The following ABCA9 variants were observed in gnomAD, a reference collection of about 807,000 sequenced individuals.
ABCA9 encodes ATP-binding cassette sub-family A member 9.
A neutral mutation model predicts 205.3 loss-of-function variants in ABCA9; 183 were observed. That is an observed-to-expected ratio of 0.89 (90% confidence interval 0.79 to 1.01). The LOEUF (loss-of-function observed/expected upper bound fraction) is 1.01. Ranked by LOEUF, ABCA9 falls within the 50% of genes least tolerant of loss-of-function variation. ABCA9 has a pLI of 0.00. For synonymous variants in ABCA9, 651 were observed against 683.3 expected, an observed-to-expected ratio of 0.95 and a Z score of 0.74; for missense variants, 1,805 against 1,912.4, an observed-to-expected ratio of 0.94 and a Z score of 1.05.
Position 68,979,581 on chromosome 17 carries a change from CA to C in ABCA9, c.4720+2980del, listed in dbSNP as rs1487814719. On this transcript the variant is annotated intron_variant, in intron 37 of 38. Coordinates refer to ENST00000340001, the MANE Select transcript of ABCA9 (RefSeq NM_080283.4). ...AAACAGAATGGTACTGGTACCAAAACAGAGATATAGATCAATGGAACAGAAC... is the reference window on the plus strand; with the variant it reads ...AAACAGAATGGTACTGGTACCAAAACGAGATATAGATCAATGGAACAGAAC... 1.3e-5 allele frequency among the ~76,000 whole-genome samples: 2 copies of C among 152,106 alleles called. 1 individual carries two copies. Among genetic ancestry groups the C allele is most frequent in the East Asian group, 3.8e-4 (2 of 5,206 alleles).
At chr17:68,976,968 C>CT (rs1171754193) in intron 37 of ABCA9, among the ~76,000 whole-genome samples, 1 of 152,204 alleles carries the variant, frequency 6.6e-6, no homozygotes, top group African/African-American at 2.4e-5. Flanking sequence ...CAGTGTCAGA[C>CT]TGCTGTGGCA....
intron 3 of ABCA9, among the ~76,000 whole-genome samples, chr17:69,046,193 T>C (rs1380992394): frequency 6.6e-6 from 1 of 152,210 alleles, no homozygotes; most frequent in Non-Finnish European, 1.5e-5. Flanking sequence ...AATAAAACTG[T>C]TGCATTTAGA....
At chr17:69,001,620 T>G (rs1190802253) in intron 25 of ABCA9, among the ~76,000 whole-genome samples, 4 of 151,926 alleles carry the variant, frequency 2.6e-5, no homozygotes, top group African/African-American at 9.7e-5. Flanking sequence ...ATCAGAATGA[T>G]GCTGGCCTCA....
intron 23 of ABCA9, among the ~76,000 whole-genome samples, chr17:69,010,175 T>TAA (rs372004651): frequency 9.2e-4 from 132 of 143,216 alleles, no homozygotes; most frequent in South Asian, 2.0e-3. Flanking sequence ...GACAGTTAAT[T>TAA]AAAAAAAAAA....
intron 37 of ABCA9, 56 bp downstream of exon 37, chr17:68,982,506 G>A (rs2069089816): frequency 6.8e-6 from 9 of 1,326,674 alleles, no homozygotes. Flanking sequence ...CTGGTTCTAT[G>A]TCAGATTTAG....
At chr17:68,983,587 T>C in intron 36 of ABCA9, 122 bp downstream of exon 36, 1 of 1,353,384 alleles carries the variant, frequency 7.4e-7, no homozygotes, top group East Asian at 2.3e-5. Context: ...TTCTCTTAAG[T>C]AAAGTACTTG....
chr17:69,078,355 C>T, the ABCA9 span, among the ~76,000 whole-genome samples: 1 of 152,030 alleles, frequency 6.6e-6, no homozygotes, highest in Non-Finnish European at 1.5e-5. Flanking sequence ...CAAATGCCAA[C>T]GCCCGGCTAA....
chr17:69,077,981 C>G, the ABCA9 span, among the ~76,000 whole-genome samples: 1 of 151,712 alleles, frequency 6.6e-6, no homozygotes, highest in Non-Finnish European at 1.5e-5. Flanking sequence ...TAAAAAATAT[C>G]AAATCCCATA....
chr17:68,984,139 C>T lies in ABCA9; in HGVS notation c.4416G>A (p.Arg1472=), dbSNP rs1412073292. The change falls in exon 35 of 39, where the codon AGG becomes AGA. Residue 1472 remains arginine, a synonymous_variant. Coordinates refer to ENST00000340001, the MANE Select transcript of ABCA9 (RefSeq NM_080283.4). The part of the protein sequence containing the change: ...VIRATFRNTE[R]GALLTTHYMA... ...TGTAGTGGGTGGTCAGGAGGGCGCC[C>T]CTCTCCGTGTTTCTAAAGGTGGCCC... The T allele has an allele frequency of 6.2e-7, 1 of 1,614,170 alleles. No homozygotes were observed. The highest frequency in any genetic ancestry group is 8.5e-7 in the Non-Finnish European group (1 of 1,180,016).
chr17:69,041,634 G>A (rs991277759), intron 6 of ABCA9, among the ~76,000 whole-genome samples: 8 of 152,028 alleles, frequency 5.3e-5, no homozygotes, highest in African/African-American at 1.7e-4. Context: ...AACCCGGGAG[G>A]GGGAGGTTGC....
chr17:69,045,333 C>G lies in ABCA9; in HGVS notation c.308G>C (p.Arg103Thr). The stretch of plus-strand genomic sequence containing the variant: ...TTCATCAGGCCACCCCATGATTGTT[C>G]TTCCTGCCATGTGAAGAAAACAAAA... ...KVASAPFLKG[R>T]TIMGWPDEKS... is the part of the protein sequence containing the mutation. The change falls in exon 4 of 39, where the codon AGA becomes ACA. Residue 103 changes from arginine to threonine, a missense_variant. Arg to Thr is a moderately conservative substitution (Grantham distance 71). Coordinates refer to ENST00000340001, the MANE Select transcript of ABCA9 (RefSeq NM_080283.4). 6.2e-7 allele frequency: 1 copy of G among 1,606,926 alleles called. No individual in the cohort carries two copies. The highest frequency in any genetic ancestry group is 8.5e-7 in the Non-Finnish European group (1 of 1,176,422).
chr17:69,049,696 A>G (rs964826143), intron 2 of ABCA9, among the ~76,000 whole-genome samples: 3 of 152,174 alleles, frequency 2.0e-5, no homozygotes, highest in African/African-American at 7.2e-5. Context: ...ACAGAATTGT[A>G]ACATCAATTC....
chr17:69,067,977 T>G, the ABCA9 span, among the ~76,000 whole-genome samples: 261 of 152,340 alleles, frequency 1.7e-3, 2 homozygotes, highest in African/African-American at 6.2e-3. Flanking sequence ...CTCCTTATCT[T>G]ATAGGCCAGG....
At chr17:69,040,614 A>G (rs907389781) in intron 6 of ABCA9, among the ~76,000 whole-genome samples, 1 of 152,150 alleles carries the variant, frequency 6.6e-6, no homozygotes, top group Admixed American at 6.6e-5. Flanking sequence ...TGTGGGGCTT[A>G]AAACTTAGAT....
chr17:69,058,647 G>A (rs1349129421), intron 1 of ABCA9, among the ~76,000 whole-genome samples: 1 of 152,092 alleles, frequency 6.6e-6, no homozygotes, highest in Non-Finnish European at 1.5e-5. Flanking sequence ...AGACCAGCCT[G>A]GCCAACGTGG....
At position 69,027,434 on chromosome 17, in the gene ABCA9, G is replaced by A; in HGVS notation, c.1807C>T (p.Gln603Ter). Reference protein sequence around the residue: ...EVEKEVQRVVQELEMENIQDI... With the variant: ...EVEKEVQRVV Reference sequence around the variant, plus strand: ...TGAATATTTTCCATTTCTAATTCCTGTACAACTCGTTGTACCTAATCAAAT... The same window carrying A: ...TGAATATTTTCCATTTCTAATTCCTATACAACTCGTTGTACCTAATCAAAT... The change falls in exon 14 of 39, where the codon CAG (glutamine) becomes TAG (stop). Residue 603 changes from glutamine to a stop codon, truncating the protein, a stop_gained. Coordinates refer to ENST00000340001, the MANE Select transcript of ABCA9 (RefSeq NM_080283.4). LOFTEE classifies it high-confidence loss of function. The A allele has an allele frequency of 6.2e-7, 1 of 1,611,948 alleles. No homozygotes were observed. Among genetic ancestry groups the A allele is most frequent in the Non-Finnish European group, 8.5e-7 (1 of 1,179,036 alleles).
chr17:69,029,074 C>A lies in ABCA9; in HGVS notation c.1504+95G>T, dbSNP rs547254768. ...GTGTTCAAATAAAGGAGAGACATAT[C>A]TGGAATATCTGTGCTTAATCCCTAC... On this transcript the variant is annotated intron_variant, in intron 11 of 38. Coordinates refer to ENST00000340001, the MANE Select transcript of ABCA9 (RefSeq NM_080283.4). 12 of 628,170 alleles carry A rather than the reference C, an allele frequency of 1.9e-5. No homozygotes were observed. In the East Asian group the frequency reaches 3.4e-4, roughly 18 times the overall value. The allele number at this position is 628,170 out of a possible 1,614,324, so 38.9% of individuals were successfully genotyped here. A position where few individuals can be genotyped will look rare whatever the true frequency, so the allele number is the denominator to read the frequency against.
intron 28 of ABCA9, among the ~76,000 whole-genome samples, chr17:68,991,201 A>G (rs1393558992): frequency 1.3e-5 from 2 of 152,158 alleles, no homozygotes; most frequent in Admixed American, 1.3e-4. Flanking sequence ...TGATGGTGAC[A>G]GTTTTCTTTC....
intron 22 of ABCA9, among the ~76,000 whole-genome samples, chr17:69,015,543 A>T (rs1371458258): frequency 6.6e-6 from 1 of 152,178 alleles, no homozygotes; most frequent in Non-Finnish European, 1.5e-5. Flanking sequence ...AAAGCTGAAC[A>T]TTATTTAATG....
Sources: allele counts gnomAD v4.1 joint callset (sites outside exome capture counted in the v4.1 genomes callset), GRCh38; gene constraint gnomAD v4.1.1; transcripts MANE v1.5; gene names NCBI Gene and HGNC (gene_info 2026-07-23, HGNC 2026-07-21).